SLC41A2: variants seen among roughly 807,000 people sequenced by gnomAD.
The protein encoded by SLC41A2 is SLC41A1-like 1.
SLC41A2 carries 32 observed loss-of-function variants against 58.3 expected under a neutral mutation model. The ratio of observed to expected loss-of-function variants is 0.55; its 90% CI spans 0.41 to 0.74. The LOEUF (loss-of-function observed/expected upper bound fraction) is 0.74, where lower values mean the gene tolerates loss of function less well. SLC41A2 is among the 30% of genes least tolerant of loss of function. The pLI is 0.00. For synonymous variants in SLC41A2, 190 were observed against 235.0 expected (o/e 0.81, Z 1.75); for missense variants, 514 against 680.6 (o/e 0.76, Z 2.72).
chr12:104,845,460 G>C (rs1421770933), intron 9 of SLC41A2, among the ~76,000 whole-genome samples: 2 of 152,082 alleles, frequency 1.3e-5, no homozygotes, highest in Non-Finnish European at 2.9e-5. Flanking sequence ...CCTTGAAATC[G>C]AGTTTATCCC....
chr12:104,859,491 C>T (rs1313737278), intron 8 of SLC41A2, among the ~76,000 whole-genome samples: 1 of 152,006 alleles, frequency 6.6e-6, no homozygotes, highest in Non-Finnish European at 1.5e-5. Flanking sequence ...GGCAAGCAGA[C>T]AATGGCTTGG....
intron 1 of SLC41A2, among the ~76,000 whole-genome samples, chr12:104,933,488 A>G (rs970535818): frequency 6.6e-6 from 1 of 152,206 alleles, no homozygotes; most frequent in African/African-American, 2.4e-5. Flanking sequence ...TTAAAGAACT[A>G]AAAGTGGATC....
In SLC41A2 at chr12:104,861,361, G is replaced by A. The variant is rs760809656; in HGVS notation, c.1185C>T (p.Gly395=). ...CTGATACAGTTGTGTCCAGAATAAGGCCCCCAATGCTGAAAGAGATAAAAT... is the reference window on the plus strand; with the variant it reads ...CTGATACAGTTGTGTCCAGAATAAGACCCCCAATGCTGAAAGAGATAAAAT... ...ITAMVISSIG[G]LILDTTVSDP... The change falls in exon 8 of 11, where the codon GGC becomes GGT. Residue 395 remains glycine (G), a synonymous_variant. Coordinates refer to ENST00000258538, the MANE Select transcript of SLC41A2 (RefSeq NM_001352171.3). 6 of 1,611,490 alleles carry A rather than the reference G, an allele frequency of 3.7e-6. No homozygotes were observed. Among genetic ancestry groups the A allele is most frequent in the Non-Finnish European group, 5.1e-6 (6 of 1,178,054 alleles).
At chr12:104,925,320 A>C (rs529880152) in intron 2 of SLC41A2, among the ~76,000 whole-genome samples, 3 of 152,338 alleles carry the variant, frequency 2.0e-5, no homozygotes, top group East Asian at 3.9e-4. Context: ...GCACTTTGGG[A>C]GGCCGAGACA....
At chr12:104,867,177 C>G (rs566989188) in intron 6 of SLC41A2, among the ~76,000 whole-genome samples, 1 of 152,122 alleles carries the variant, frequency 6.6e-6, no homozygotes, top group South Asian at 2.1e-4. Flanking sequence ...GATATCCAAG[C>G]TCCAAAATGA....
chr12:104,849,446 C>T (rs1007433799), intron 8 of SLC41A2, among the ~76,000 whole-genome samples: 6 of 152,172 alleles, frequency 3.9e-5, no homozygotes, highest in Non-Finnish European at 7.3e-5. Flanking sequence ...CTATTTATAA[C>T]GACGTGCAGC....
chr12:104,870,282 G>A (rs941171763), intron 6 of SLC41A2, among the ~76,000 whole-genome samples: 4 of 152,172 alleles, frequency 2.6e-5, no homozygotes, highest in Admixed American at 6.5e-5. Context: ...GCTGCCAGAA[G>A]ATGGAAGAGG....
intron 4 of SLC41A2, among the ~76,000 whole-genome samples, chr12:104,892,092 G>A (rs1205072238): frequency 1.3e-5 from 2 of 151,994 alleles, no homozygotes; most frequent in Non-Finnish European, 2.9e-5. Flanking sequence ...CTGAGGTCAG[G>A]AGCTTGAGAC....
intron 2 of SLC41A2, among the ~76,000 whole-genome samples, chr12:104,915,388 T>C (rs1432773742): frequency 6.6e-6 from 1 of 152,264 alleles, no homozygotes; most frequent in Non-Finnish European, 1.5e-5. Flanking sequence ...TATTGATTCT[T>C]CCTACCCATG....
chr12:104,933,557 A>G (rs560477488), intron 1 of SLC41A2, among the ~76,000 whole-genome samples: 1 of 151,880 alleles, frequency 6.6e-6, no homozygotes, highest in Non-Finnish European at 1.5e-5. Context: ...AGAAGTAATC[A>G]CATCAAAAAG....
chr12:104,902,159 C>G (rs1481265127), intron 3 of SLC41A2, among the ~76,000 whole-genome samples: 4 of 145,158 alleles, frequency 2.8e-5, no homozygotes. Context: ...AAACAGCTTT[C>G]AAATAGTGAC....
At chr12:104,937,691 T>C (rs192435627) in intron 1 of SLC41A2, among the ~76,000 whole-genome samples, 34 of 152,336 alleles carry the variant, frequency 2.2e-4, no homozygotes, top group Non-Finnish European at 4.1e-4. Context: ...TATCAAAGTG[T>C]GGTCTTGGGT....
intron 1 of SLC41A2, among the ~76,000 whole-genome samples, chr12:104,944,134 C>T (rs182213003): frequency 4.8e-4 from 73 of 152,336 alleles, no homozygotes; most frequent in African/African-American, 1.7e-3. Context: ...ACGAATATCT[C>T]ATAATTTTCA....
At chr12:104,935,319 C>G (rs1036430905) in intron 1 of SLC41A2, among the ~76,000 whole-genome samples, 1 of 151,366 alleles carries the variant, frequency 6.6e-6, no homozygotes, top group South Asian at 2.1e-4. Context: ...ATAATGTATT[C>G]TATGTTTCAA....
chr12:104,949,165 C>G (rs2047857843), intron 1 of SLC41A2, among the ~76,000 whole-genome samples: 1 of 152,102 alleles, frequency 6.6e-6, no homozygotes, highest in South Asian at 2.1e-4. Flanking sequence ...TTGCGGTGAG[C>G]CAAGATCACA....
In SLC41A2 at chr12:104,866,559, G is replaced by C; in HGVS notation, c.1048C>G (p.Pro350Ala). 1.3e-6 allele frequency: 2 copies of C among 1,590,104 alleles called. No individual in the cohort carries two copies. The highest frequency in any genetic ancestry group is 2.3e-5 in the East Asian group (1 of 44,282). The part of the protein sequence containing the change: ...SCLETYYYIS[P>A]LVGVFFLALT... ...GCCAAGAAAAATACACCAACTAATGGAGAAATGTAGTAATAGGTCTCTAAA... is the reference window on the plus strand; with the variant it reads ...GCCAAGAAAAATACACCAACTAATGCAGAAATGTAGTAATAGGTCTCTAAA... The change falls in exon 7 of 11, where the codon CCA (proline) becomes GCA (alanine). Residue 350 changes from proline to alanine, a missense_variant. Around this residue, in one of 3 missense-constraint regions of SLC41A2, gnomAD observed 336 missense variants for 430.0 expected, o/e 0.78. Coordinates refer to ENST00000258538, the MANE Select transcript of SLC41A2 (RefSeq NM_001352171.3).
At chr12:104,932,624 C>CA (rs544329617) in intron 1 of SLC41A2, among the ~76,000 whole-genome samples, 5,512 of 45,534 alleles carry the variant, frequency 0.12, 298 homozygotes, top group Middle Eastern at 0.2. Context: ...GACTTTGTCT[C>CA]AAAAAAAAAA....
At chr12:104,838,953 A>G (rs1024953852) in intron 10 of SLC41A2, among the ~76,000 whole-genome samples, 2 of 152,202 alleles carry the variant, frequency 1.3e-5, no homozygotes, top group African/African-American at 4.8e-5. Context: ...TGTATTGAGA[A>G]TTTGTTGCCA....
intron 1 of SLC41A2, among the ~76,000 whole-genome samples, chr12:104,943,377 T>A (rs2047585893): frequency 6.6e-6 from 1 of 152,088 alleles, no homozygotes; most frequent in Non-Finnish European, 1.5e-5. Context: ...CCCTGGAGTC[T>A]CCCCTTCTTA....
Sources: allele counts gnomAD v4.1 joint callset (sites outside exome capture counted in the v4.1 genomes callset), GRCh38; gene constraint gnomAD v4.1.1; regional missense constraint gnomAD v4.1.1; transcripts MANE v1.5; gene names NCBI Gene and HGNC (gene_info 2026-07-23, HGNC 2026-07-21).